The following COL4A5 variants were observed in gnomAD, a reference collection of about 807,000 sequenced individuals.
COL4A5 encodes collagen alpha-5(IV) chain.
COL4A5 carries 26 observed loss-of-function variants against 130.2 expected under a neutral mutation model. That is an observed-to-expected ratio of 0.20 (90% CI 0.15 to 0.28). The LOEUF (loss-of-function observed/expected upper bound fraction) is 0.28. Ranked by LOEUF, COL4A5 falls within the 10% of genes least tolerant of loss-of-function variation. COL4A5 has a pLI of 1.00. For missense variants in COL4A5, 1,131 were observed against 1,344.3 expected, an observed-to-expected ratio of 0.84 and a Z score of 2.48; for synonymous variants, 496 against 439.6, an observed-to-expected ratio of 1.13 and a Z score of -1.60.
At chrX:108,609,341 G>A (rs756474386) in intron 29 of COL4A5, among the ~76,000 whole-genome samples, 9 of 111,694 alleles carry the variant, frequency 8.1e-5, no homozygotes, top group African/African-American at 2.9e-4. Context: ...TTTAATTTAC[G>A]TTTCCCTGAT....
At chrX:108,504,439 G>A (rs192647926) in intron 1 of COL4A5, among the ~76,000 whole-genome samples, 2 of 111,783 alleles carry the variant, frequency 1.8e-5, no homozygotes, top group East Asian at 5.6e-4. Flanking sequence ...TCAACAGAGT[G>A]AACAGACAAC....
intron 12 of COL4A5, 50 bp from the exon 13 acceptor site, chrX:108,578,241 C>T: frequency 8.8e-7 from 1 of 1,130,644 alleles, no homozygotes. Context: ...ATATTACTGT[C>T]TGTGGAGATT....
intron 1 of COL4A5, among the ~76,000 whole-genome samples, chrX:108,456,419 T>C (rs904029416): frequency 8.9e-6 from 1 of 112,261 alleles, no homozygotes; most frequent in African/African-American, 3.2e-5. Context: ...AATCAAGATA[T>C]AGAACAGCAT....
chrX:108,602,861 A>T, intron 27 of COL4A5, 103 bp from the exon 28 acceptor site: 1 of 570,151 alleles, frequency 1.8e-6, no homozygotes, highest in South Asian at 2.5e-5. Flanking sequence ...TTGACATCTT[A>T]CTGTTGTCAC....
At chrX:108,685,888 G>A (rs1467340060) in intron 47 of COL4A5, 143 bp from the exon 48 acceptor site, 3 of 501,038 alleles carry the variant, frequency 6.0e-6, no homozygotes, top group Non-Finnish European at 1.1e-5. Context: ...TTTGGTCCTG[G>A]ACTTGAGTTA....
chrX:108,517,506 G>A lies in COL4A5; in HGVS notation c.82-22240G>A, dbSNP rs1180202796. ...CGTAAGCAGGTTAAATGTGTATTGGGGAAATGTCTTAAATGTCAGTACTAT... is the reference window on the plus strand; with the variant it reads ...CGTAAGCAGGTTAAATGTGTATTGGAGAAATGTCTTAAATGTCAGTACTAT... On this transcript the variant is annotated intron_variant, in intron 1 of 52. Transcript: ENST00000328300. Among the ~76,000 whole-genome samples the A allele has an allele frequency of 2.7e-5, 3 of 111,343 alleles. No individual in the cohort carries two copies. In the East Asian group the frequency reaches 8.3e-4, roughly 31 times the overall value.
intron 36 of COL4A5, among the ~76,000 whole-genome samples, chrX:108,634,425 G>A (rs1012294342): frequency 3.6e-5 from 4 of 111,289 alleles, no homozygotes; most frequent in African/African-American, 1.3e-4. Context: ...TGTCACAGAG[G>A]AAGTGTTGCC....
chrX:108,525,182 G>A (rs1394509821), intron 1 of COL4A5, among the ~76,000 whole-genome samples: 5 of 111,835 alleles, frequency 4.5e-5, no homozygotes, highest in Non-Finnish European at 9.4e-5. Flanking sequence ...GTTGTTAGAT[G>A]TATCTGTGTT....
intron 1 of COL4A5, among the ~76,000 whole-genome samples, chrX:108,478,836 A>G (rs2064861808): frequency 8.9e-6 from 1 of 112,357 alleles, no homozygotes; most frequent in African/African-American, 3.2e-5. Context: ...GTCTGTTTCC[A>G]GTGAGGACAA....
intron 36 of COL4A5, among the ~76,000 whole-genome samples, chrX:108,652,340 T>C (rs183602192): frequency 8.9e-6 from 1 of 112,775 alleles, no homozygotes; most frequent in East Asian, 2.8e-4. Context: ...TTGTTCATGG[T>C]CTTTAATCTC....
chrX:108,440,659 T>G (rs909936117), intron 1 of COL4A5, among the ~76,000 whole-genome samples: 1 of 111,824 alleles, frequency 8.9e-6, no homozygotes, highest in African/African-American at 3.3e-5. Flanking sequence ...CATCAAAGTG[T>G]TTTTAGCGCC....
chrX:108,501,573 C>T (rs956356515), intron 1 of COL4A5, among the ~76,000 whole-genome samples: 4 of 111,787 alleles, frequency 3.6e-5, no homozygotes, highest in Admixed American at 1.9e-4. Flanking sequence ...TTCCTTTGCT[C>T]ATTATTAGGC....
At chrX:108,666,113 G>A (rs1176725440) in intron 38 of COL4A5, among the ~76,000 whole-genome samples, 1 of 110,702 alleles carries the variant, frequency 9.0e-6, no homozygotes, top group Non-Finnish European at 1.9e-5. Flanking sequence ...TTTTTCCAGG[G>A]AGAGTTAATT....
chrX:108,640,597 A>T (rs1245136036), intron 36 of COL4A5, among the ~76,000 whole-genome samples: 1 of 111,721 alleles, frequency 9.0e-6, no homozygotes, highest in East Asian at 2.8e-4. Flanking sequence ...GTGTTAACTA[A>T]TTTCATTGTG....
intron 50 of COL4A5, chrX:108,694,245 A>G (rs1341872230): frequency 8.5e-6 from 1 of 117,404 alleles, no homozygotes; most frequent in African/African-American, 3.3e-5. Context: ...ATCTTACTTG[A>G]TTTTATAGAT....
intron 43 of COL4A5, among the ~76,000 whole-genome samples, chrX:108,676,542 T>C (rs976866212): frequency 2.7e-5 from 3 of 112,206 alleles, no homozygotes; most frequent in Admixed American, 1.9e-4. Context: ...TAAATTATTT[T>C]GTTTATTCAC....
intron 28 of COL4A5, among the ~76,000 whole-genome samples, chrX:108,604,465 G>T (rs188931859): frequency 9.0e-6 from 1 of 111,600 alleles, no homozygotes; most frequent in African/African-American, 3.3e-5. Flanking sequence ...CTCAACAGTG[G>T]GCTTAAAATA....
At chrX:108,685,076 A>G (rs1423908602) in intron 47 of COL4A5, among the ~76,000 whole-genome samples, 1 of 112,214 alleles carries the variant, frequency 8.9e-6, no homozygotes, top group Non-Finnish European at 1.9e-5. Flanking sequence ...AAAACTCTCA[A>G]TAAAGTAGGT....
In COL4A5 at chrX:108,690,957, T is replaced by C. The variant is rs148003001; in HGVS notation, c.4529-1791T>C. 9.6e-4 allele frequency among the ~76,000 whole-genome samples: 107 copies of C among 111,818 alleles called. 4 individuals are homozygous for C. The East Asian group carries it at 0.029, about 30-fold the overall frequency. Reference sequence around the variant, plus strand: ...ATGGATAAAGAAGATGTGGTATATATACACAATGGAATATTATTCAGCCAT... The same window carrying C: ...ATGGATAAAGAAGATGTGGTATATACACACAATGGAATATTATTCAGCCAT... On this transcript the variant is annotated intron_variant, in intron 49 of 52. Coordinates refer to ENST00000328300, the MANE Select transcript of COL4A5 (RefSeq NM_033380.3).
Sources: allele counts gnomAD v4.1 joint callset (sites outside exome capture counted in the v4.1 genomes callset), GRCh38; gene constraint gnomAD v4.1.1; transcripts MANE v1.5; gene names NCBI Gene and HGNC (gene_info 2026-07-23, HGNC 2026-07-21).